Variants in PTPRM observed in about 807,000 individuals in gnomAD.
PTPRM encodes protein tyrosine phosphatase receptor type M.
In PTPRM, 47 loss-of-function variants were observed where a neutral mutation model predicts 186.7. The ratio of observed to expected loss-of-function variants is 0.25; its 90% CI spans 0.20 to 0.32. The LOEUF is 0.32. Among genes scored for constraint, PTPRM ranks in the 10% least tolerant of loss-of-function variants. PTPRM has a pLI of 1.00. For synonymous variants in PTPRM, 668 were observed against 674.9 expected, an observed-to-expected ratio of 0.99 and a Z score of 0.16; for missense variants, 1,494 against 1,865.0, an observed-to-expected ratio of 0.80 and a Z score of 3.66.
chr18:8,198,460 G>A (rs911438963), intron 14 of PTPRM, among the ~76,000 whole-genome samples: 10 of 152,092 alleles, frequency 6.6e-5, no homozygotes, highest in East Asian at 3.9e-4. Flanking sequence ...AAATTTTGCC[G>A]CTGATTTTTA....
At chr18:8,305,066 A>G (rs758783317) in intron 20 of PTPRM, among the ~76,000 whole-genome samples, 13 of 152,062 alleles carry the variant, frequency 8.5e-5, no homozygotes, top group Non-Finnish European at 1.8e-4. Context: ...CTTATTAGAC[A>G]TGCTGCCTTG....
intron 2 of PTPRM, among the ~76,000 whole-genome samples, chr18:7,845,960 C>A (rs1699022248): frequency 6.6e-6 from 1 of 152,120 alleles, no homozygotes; most frequent in Non-Finnish European, 1.5e-5. Flanking sequence ...TCTGCTGACC[C>A]TATTTGAAAC....
chr18:7,856,431 C>T (rs1282389483), intron 2 of PTPRM, among the ~76,000 whole-genome samples: 3 of 152,064 alleles, frequency 2.0e-5, no homozygotes, highest in Non-Finnish European at 4.4e-5. Context: ...TTATTGATAC[C>T]CACATTAGAC....
chr18:7,932,599 A>G (rs913051052), intron 5 of PTPRM, among the ~76,000 whole-genome samples: 5 of 151,958 alleles, frequency 3.3e-5, no homozygotes. Flanking sequence ...TCTCTTGGAC[A>G]TTTTTCTTCA....
intron 1 of PTPRM, 35 bp from the exon 2 acceptor site, chr18:7,774,114 G>A (rs766248493): frequency 6.3e-7 from 1 of 1,583,548 alleles, no homozygotes; most frequent in Non-Finnish European, 8.7e-7. Flanking sequence ...GGTCTGGTTG[G>A]TATTTACATT....
intron 1 of PTPRM, among the ~76,000 whole-genome samples, chr18:7,772,877 G>T (rs2042395507): frequency 6.6e-6 from 1 of 151,994 alleles, no homozygotes; most frequent in Non-Finnish European, 1.5e-5. Flanking sequence ...ATAATTTTTT[G>T]AATTAATATG....
Position 7,926,669 on chromosome 18 carries a change from A to T in PTPRM, c.649A>T (p.Arg217Trp). The change falls in exon 5 of 33, where the codon AGG (arginine) becomes TGG (tryptophan). Residue 217 changes from arginine to tryptophan, a missense_variant. Arg to Trp is a moderately radical substitution (Grantham distance 101). Transcript: ENST00000580170. ...SAIGRTVAGD[R>W]LWLQGIDVRD... ...CATCGGCAGGACCGTGGCAGGAGAC[A>T]GGCTCTGGTTACAGGTACAGTAACT... is the stretch of plus-strand genomic sequence containing the variant. The T allele has an allele frequency of 5.6e-6, 9 of 1,612,504 alleles. No homozygotes were observed. The highest frequency in any genetic ancestry group is 7.6e-6 in the Non-Finnish European group (9 of 1,179,608).
chr18:8,234,701 A>T (rs115265818), intron 14 of PTPRM, among the ~76,000 whole-genome samples: 336 of 151,946 alleles, frequency 2.2e-3, no homozygotes, highest in African/African-American at 7.6e-3. Flanking sequence ...AACATTAAGT[A>T]TAATATTAGC....
intron 1 of PTPRM, among the ~76,000 whole-genome samples, chr18:7,690,987 A>T (rs2039719614): frequency 1.3e-5 from 2 of 152,210 alleles, no homozygotes; most frequent in South Asian, 4.1e-4. Context: ...TAGATTTCAA[A>T]AGCTTAGTCC....
At chr18:7,661,050 T>C (rs539303825) in intron 1 of PTPRM, among the ~76,000 whole-genome samples, 1 of 152,272 alleles carries the variant, frequency 6.6e-6, no homozygotes, top group Non-Finnish European at 1.5e-5. Flanking sequence ...AGTGACAGGA[T>C]GAATCACTTC....
At chr18:8,124,282 G>A (rs894086268) in intron 13 of PTPRM, among the ~76,000 whole-genome samples, 1 of 152,092 alleles carries the variant, frequency 6.6e-6, no homozygotes, top group Non-Finnish European at 1.5e-5. Context: ...TTTAATGATG[G>A]TTAGTCTTAC....
chr18:8,206,316 G>A (rs113494478), intron 14 of PTPRM, among the ~76,000 whole-genome samples: 8,364 of 151,042 alleles, frequency 0.055, 285 homozygotes, highest in Middle Eastern at 0.071. Context: ...GTGCAGTCGC[G>A]CCATCTCGGC....
At chr18:7,785,250 AG>A in intron 2 of PTPRM, among the ~76,000 whole-genome samples, 2 of 152,340 alleles carry the variant, frequency 1.3e-5, no homozygotes, top group Middle Eastern at 3.4e-3. Context: ...GAGTATGTGT[AG>A]AGGAAAATTC....
In PTPRM at chr18:7,996,467, T is replaced by A. The variant is rs181135295; in HGVS notation, c.1132+41053T>A. Among the ~76,000 whole-genome samples the A allele has an allele frequency of 3.6e-3, 542 of 152,242 alleles. 3 individuals carry two copies. The highest frequency in any genetic ancestry group is 6.1e-3 in the Non-Finnish European group (413 of 68,014). ...ACAGAATAATTTGAAGCTTTTCCTCTAAAATCTGGAACAAGACAAGGAAGC... is the reference window on the plus strand; with the variant it reads ...ACAGAATAATTTGAAGCTTTTCCTCAAAAATCTGGAACAAGACAAGGAAGC... On this transcript the variant is annotated intron_variant, in intron 7 of 32. Coordinates refer to ENST00000580170, the MANE Select transcript of PTPRM (RefSeq NM_001105244.2).
chr18:8,265,191 C>T (rs1439539443), intron 19 of PTPRM, among the ~76,000 whole-genome samples: 1 of 152,220 alleles, frequency 6.6e-6, no homozygotes, highest in African/African-American at 2.4e-5. Context: ...TTCAGCAGCT[C>T]AGCAGCAGCA....
chr18:8,234,395 T>C (rs959300484), intron 14 of PTPRM, among the ~76,000 whole-genome samples: 1 of 152,222 alleles, frequency 6.6e-6, no homozygotes, highest in Non-Finnish European at 1.5e-5. Flanking sequence ...TCATTGCTGG[T>C]ATATAGGAAA....
intron 2 of PTPRM, among the ~76,000 whole-genome samples, chr18:7,799,183 C>T (rs1344900357): frequency 6.6e-6 from 1 of 152,164 alleles, no homozygotes; most frequent in Non-Finnish European, 1.5e-5. Context: ...AGGCTCACTG[C>T]TTCCAAGATA....
rs1471276213 is a variant in PTPRM at position 7,659,076 on chromosome 18, G to C, written c.73+91185G>C. Among the ~76,000 whole-genome samples, 8 of 149,990 alleles carry C rather than the reference G, an allele frequency of 5.3e-5. No homozygotes were observed. In the Admixed American group the frequency reaches 5.3e-4, roughly 10 times the overall value. On this transcript the variant is annotated intron_variant, in intron 1 of 32. Transcript: ENST00000580170. ...GGTTGCTAATGAGTTCTTATTTGAT[G>C]ACCATATTTAAAATTGCAGGTATAC...
At position 8,214,796 on chromosome 18, in the gene PTPRM, G is replaced by A. The variant is rs562387247; in HGVS notation, c.2301-29262G>A. 3.6e-4 allele frequency among the ~76,000 whole-genome samples: 54 copies of A among 152,098 alleles called. No homozygotes were observed. In the Middle Eastern group the frequency reaches 0.014, roughly 38 times the overall value. ...CTCCTACCTCAGCCTCCTGAGTAGC[G>A]GGATTACAGGCACCCGCCACCGTGC... On this transcript the variant is annotated intron_variant, in intron 14 of 32. Coordinates refer to ENST00000580170, the MANE Select transcript of PTPRM (RefSeq NM_001105244.2).
Sources: gnomAD v4.1 joint callset for allele counts (sites outside exome capture counted in the v4.1 genomes callset) on GRCh38, gnomAD v4.1.1 for gene constraint, MANE v1.5 for transcripts, NCBI Gene and HGNC (gene_info 2026-07-23, HGNC 2026-07-21) for gene names.